Variants in UNC13C observed in about 807,000 individuals in gnomAD.
The protein encoded by UNC13C is protein unc-13 homolog C.
UNC13C carries 174 observed loss-of-function variants against 245.4 expected under a neutral mutation model. The ratio of observed to expected loss-of-function variants is 0.71; its 90% CI spans 0.63 to 0.80. The LOEUF (loss-of-function observed/expected upper bound fraction) is 0.80, where lower values mean the gene tolerates loss of function less well. UNC13C is among the 30% of genes least tolerant of loss of function. UNC13C has a pLI of 0.00. For synonymous variants in UNC13C, 992 were observed against 895.1 expected (o/e 1.11, Z -1.93); for missense variants, 2,829 against 2,602.9 (o/e 1.09, Z -1.89).
chr15:53,887,164 A>T, the UNC13C span, among the ~76,000 whole-genome samples: 1 of 152,178 alleles, frequency 6.6e-6, no homozygotes, highest in African/African-American at 2.4e-5. Context: ...CTAAAATGTA[A>T]TAATGTTTGT....
intron 19 of UNC13C, among the ~76,000 whole-genome samples, chr15:54,446,521 G>A (rs144677629): frequency 0.029 from 4,482 of 152,300 alleles, 180 homozygotes; most frequent in Admixed American, 0.12. Context: ...TCCCTTGTAA[G>A]TTGGATTCCT....
At position 54,106,757 on chromosome 15, in the gene UNC13C, G is replaced by T. The variant is rs147775025; in HGVS notation, c.2984-36261G>T. Among the ~76,000 whole-genome samples, 314 of 152,212 alleles carry T rather than the reference G, an allele frequency of 2.1e-3. 1 individual carries two copies. The highest frequency in any genetic ancestry group is 5.4e-4 in the Non-Finnish European group (37 of 68,010). ...CTACTATATGACTCAGTTTAAAACC[G>T]ACCAAAATATCAAACCAGCCCATGT... On this transcript the variant is annotated intron_variant, in intron 2 of 32. Transcript: ENST00000260323.
At chr15:54,186,940 C>T (rs1419843929) in intron 4 of UNC13C, among the ~76,000 whole-genome samples, 1 of 151,264 alleles carries the variant, frequency 6.6e-6, no homozygotes, top group Non-Finnish European at 1.5e-5. Flanking sequence ...CCTCTACCTC[C>T]CAGGTTCAAG....
intron 2 of UNC13C, among the ~76,000 whole-genome samples, chr15:54,142,705 T>C (rs1390006732): frequency 1.3e-5 from 2 of 152,196 alleles, no homozygotes; most frequent in Non-Finnish European, 2.9e-5. Context: ...ATGTGTCTAG[T>C]AAGTGGCAGA....
At chr15:54,482,978 A>C (rs1893208557) in intron 19 of UNC13C, among the ~76,000 whole-genome samples, 1 of 152,172 alleles carries the variant, frequency 6.6e-6, no homozygotes, top group African/African-American at 2.4e-5. Flanking sequence ...AATATTAAGA[A>C]AATTTAACTA....
chr15:54,345,178 C>T (rs908482961), intron 17 of UNC13C, among the ~76,000 whole-genome samples: 2 of 152,302 alleles, frequency 1.3e-5, no homozygotes, highest in East Asian at 3.9e-4. Context: ...CAATGCTTTA[C>T]CCCTGCTTTT....
chr15:54,243,705 A>T (rs12903717), intron 7 of UNC13C, among the ~76,000 whole-genome samples: 6,751 of 152,192 alleles, frequency 0.044, 224 homozygotes, highest in Non-Finnish European at 0.058. Context: ...TGTGGTTTTG[A>T]TTTGCATTTC....
intron 30 of UNC13C, among the ~76,000 whole-genome samples, chr15:54,569,365 A>G (rs1446410293): frequency 6.6e-6 from 1 of 152,136 alleles, no homozygotes; most frequent in East Asian, 1.9e-4. Context: ...ACATCCTCCC[A>G]TATATTTTAA....
At chr15:54,286,563 G>A (rs911862108) in intron 10 of UNC13C, among the ~76,000 whole-genome samples, 3 of 152,104 alleles carry the variant, frequency 2.0e-5, no homozygotes, top group South Asian at 2.1e-4. Flanking sequence ...TAGGTAGAGC[G>A]ATCCATCTCA....
chr15:54,078,420 G>T (rs1482930612), intron 2 of UNC13C, among the ~76,000 whole-genome samples: 2 of 152,068 alleles, frequency 1.3e-5, no homozygotes, highest in East Asian at 3.8e-4. Flanking sequence ...CTATACTCTT[G>T]TTCATAGAAG....
chr15:54,233,399 C>T (rs920144923), intron 4 of UNC13C, among the ~76,000 whole-genome samples: 8 of 152,234 alleles, frequency 5.3e-5, no homozygotes, highest in Admixed American at 2.6e-4. Context: ...TTGAAGTGCA[C>T]GACTCTGAAA....
intron 20 of UNC13C, among the ~76,000 whole-genome samples, chr15:54,497,488 A>C (rs1349001785): frequency 6.6e-6 from 1 of 152,130 alleles, no homozygotes; most frequent in Non-Finnish European, 1.5e-5. Flanking sequence ...CAGAGATATG[A>C]GTCCAACATG....
intron 10 of UNC13C, 119 bp downstream of exon 10, chr15:54,265,615 T>TA: frequency 1.4e-6 from 1 of 724,124 alleles, no homozygotes; most frequent in Non-Finnish European, 2.0e-6. Context: ...CCAAAAGTAA[T>TA]AAAAAAGTAA....
chr15:54,373,273 A>G (rs1236697393), intron 17 of UNC13C, among the ~76,000 whole-genome samples: 1 of 152,202 alleles, frequency 6.6e-6, no homozygotes, highest in Non-Finnish European at 1.5e-5. Flanking sequence ...GTGTTGCTTC[A>G]TTAGCCAGAA....
rs765736603 is a variant in UNC13C at position 54,500,817 on chromosome 15, C to T, written c.5158-18C>T. ...TCTAATGTACTGTTTGGGATGGTTTCACCTCCTCTCCCCACAGTTCCAGCA... is the reference window on the plus strand; with the variant it reads ...TCTAATGTACTGTTTGGGATGGTTTTACCTCCTCTCCCCACAGTTCCAGCA... On this transcript the variant is annotated intron_variant, in intron 21 of 32. Coordinates refer to ENST00000260323, the MANE Select transcript of UNC13C (RefSeq NM_001080534.3). The T allele has an allele frequency of 6.2e-7, 1 of 1,611,076 alleles. No homozygotes were observed. Among genetic ancestry groups the T allele is most frequent in the Non-Finnish European group, 8.5e-7 (1 of 1,178,410 alleles).
chr15:53,852,504 C>T, the UNC13C span, among the ~76,000 whole-genome samples: 1 of 152,254 alleles, frequency 6.6e-6, no homozygotes, highest in South Asian at 2.1e-4. Context: ...GACTTAAAGT[C>T]ACCCCAACAT....
intron 2 of UNC13C, among the ~76,000 whole-genome samples, chr15:54,072,551 C>T (rs557981346): frequency 3.4e-4 from 52 of 152,238 alleles, no homozygotes; most frequent in African/African-American, 1.2e-3. Context: ...TCTTGACTTG[C>T]GTAGATAACA....
chr15:54,075,551 C>CAA (rs547523285), intron 2 of UNC13C, among the ~76,000 whole-genome samples: 1 of 46,168 alleles, frequency 2.2e-5, no homozygotes, highest in African/African-American at 8.2e-5. Flanking sequence ...GACTCTGTCT[C>CAA]AAAAAAAAAA....
At chr15:54,135,028 T>C (rs145739939) in intron 2 of UNC13C, among the ~76,000 whole-genome samples, 3 of 152,284 alleles carry the variant, frequency 2.0e-5, no homozygotes, top group African/African-American at 7.2e-5. Flanking sequence ...TGAGGTGATA[T>C]CTCATTTTGG....
Sources: allele counts gnomAD v4.1 joint callset (sites outside exome capture counted in the v4.1 genomes callset), GRCh38; gene constraint gnomAD v4.1.1; transcripts MANE v1.5; gene names NCBI Gene and HGNC (gene_info 2026-07-23, HGNC 2026-07-21).